The following PRDM5 variants were observed in gnomAD, a reference collection of about 807,000 sequenced individuals.
The protein encoded by PRDM5 is PR domain zinc finger protein 5.
A neutral mutation model predicts 81.2 loss-of-function variants in PRDM5; 56 were observed. The observed-to-expected ratio is 0.69, with a 90% confidence interval of 0.56 to 0.86. PRDM5 has a LOEUF of 0.86. PRDM5 is among the 40% of genes least tolerant of loss of function. The pLI is 0.00. For synonymous variants in PRDM5, 267 were observed against 256.4 expected (o/e 1.04, Z -0.39); for missense variants, 697 against 770.1 (o/e 0.91, Z 1.12).
chr4:120,723,923 ATTTTTTTT>A (rs70948360), intron 14 of PRDM5, among the ~76,000 whole-genome samples: 30 of 81,252 alleles, frequency 3.7e-4, no homozygotes, highest in Admixed American at 1.0e-3. Context: ...GATAGCTTGA[ATTTTTTTT>A]TTTTTTTTTT....
intron 3 of PRDM5, among the ~76,000 whole-genome samples, chr4:120,825,278 G>A (rs141801966): frequency 1.6e-4 from 25 of 152,310 alleles, no homozygotes; most frequent in African/African-American, 5.8e-4. Context: ...AAGCATTCAT[G>A]AGTGGTAGTT....
chr4:120,895,177 C>T (rs1220130188), intron 2 of PRDM5, among the ~76,000 whole-genome samples: 2 of 152,204 alleles, frequency 1.3e-5, no homozygotes, highest in African/African-American at 4.8e-5. Flanking sequence ...CCTCCAGCTT[C>T]CAGCAAAGCA....
At chr4:120,734,660 C>A (rs1740836003) in intron 14 of PRDM5, among the ~76,000 whole-genome samples, 1 of 152,218 alleles carries the variant, frequency 6.6e-6, no homozygotes, top group South Asian at 2.1e-4. Flanking sequence ...TCCTGGTTCT[C>A]CTTCAGCCTC....
chr4:120,877,151 T>C (rs1481255694), intron 2 of PRDM5, among the ~76,000 whole-genome samples: 2 of 151,778 alleles, frequency 1.3e-5, no homozygotes, highest in Non-Finnish European at 2.9e-5. Flanking sequence ...TCAGCCAGAG[T>C]TCAGAATCAT....
At chr4:120,911,213 C>T (rs1766467473) in intron 1 of PRDM5, among the ~76,000 whole-genome samples, 1 of 152,174 alleles carries the variant, frequency 6.6e-6, no homozygotes, top group African/African-American at 2.4e-5. Context: ...GCTGTATCAC[C>T]ATGTGGACCC....
chr4:120,740,135 G>A (rs1741699304), intron 14 of PRDM5, among the ~76,000 whole-genome samples: 1 of 151,950 alleles, frequency 6.6e-6, no homozygotes, highest in Non-Finnish European at 1.5e-5. Flanking sequence ...ATGATTCCTT[G>A]GCAAGGCATA....
At chr4:120,728,186 T>C (rs1408068514) in intron 14 of PRDM5, among the ~76,000 whole-genome samples, 1 of 151,866 alleles carries the variant, frequency 6.6e-6, no homozygotes, top group Non-Finnish European at 1.5e-5. Flanking sequence ...GTCTACCCTA[T>C]TCATCTGTTA....
intron 14 of PRDM5, among the ~76,000 whole-genome samples, chr4:120,720,754 C>T (rs951974598): frequency 2.6e-5 from 4 of 152,094 alleles, no homozygotes; most frequent in African/African-American, 4.8e-5. Flanking sequence ...ACAAAACATA[C>T]CCATGGCCTA....
chr4:120,775,213 T>C (rs1747974495), intron 13 of PRDM5, among the ~76,000 whole-genome samples: 1 of 151,632 alleles, frequency 6.6e-6, no homozygotes. Flanking sequence ...GAGTGTAGAA[T>C]ACACTTTAAA....
chr4:120,703,052 G>C (rs1553943630), intron 15 of PRDM5, among the ~76,000 whole-genome samples: 1 of 152,048 alleles, frequency 6.6e-6, no homozygotes, highest in Non-Finnish European at 1.5e-5. Context: ...CTCCTGAAAT[G>C]CTCTTTTCCC....
chr4:120,883,230 G>A (rs1425861565), intron 2 of PRDM5, among the ~76,000 whole-genome samples: 2 of 152,112 alleles, frequency 1.3e-5, no homozygotes, highest in Non-Finnish European at 2.9e-5. Flanking sequence ...TATAGTGTTA[G>A]AAGGTACAAT....
At chr4:120,772,048 G>C (rs542035393) in intron 13 of PRDM5, among the ~76,000 whole-genome samples, 1 of 152,090 alleles carries the variant, frequency 6.6e-6, no homozygotes, top group East Asian at 1.9e-4. Flanking sequence ...GTGGCAGGGG[G>C]CTAGGGTTTG....
At chr4:120,733,329 C>T (rs1740540038) in intron 14 of PRDM5, among the ~76,000 whole-genome samples, 1 of 152,164 alleles carries the variant, frequency 6.6e-6, no homozygotes, top group Admixed American at 6.5e-5. Flanking sequence ...TGACCCCCAC[C>T]TCATGCTCCA....
At position 120,800,412 on chromosome 4, in the gene PRDM5, G is replaced by A. The variant is rs374584846; in HGVS notation, c.946-667C>T. ...TACGTCTGTGGTCCCAGCTACAAAG[G>A]AGGCTGAAGCAGGATGATTGTTTGA... On this transcript the variant is annotated intron_variant, in intron 8 of 15. Transcript: ENST00000264808. Among the ~76,000 whole-genome samples the A allele has an allele frequency of 2.7e-4, 41 of 151,976 alleles. No individual in the cohort carries two copies. The South Asian group carries it at 8.3e-3, about 31-fold the overall frequency.
intron 2 of PRDM5, among the ~76,000 whole-genome samples, chr4:120,854,191 A>C (rs1475993530): frequency 2.0e-5 from 3 of 152,166 alleles, no homozygotes; most frequent in African/African-American, 7.2e-5. Context: ...TCTACATTCA[A>C]CTGGAGAGAG....
chr4:120,784,282 G>A (rs751296239), intron 11 of PRDM5, among the ~76,000 whole-genome samples: 17 of 152,152 alleles, frequency 1.1e-4, no homozygotes, highest in Non-Finnish European at 2.2e-4. Flanking sequence ...TTCATGGTGC[G>A]TATGTATGAA....
chr4:120,819,546 A>G (rs554169787), intron 4 of PRDM5, among the ~76,000 whole-genome samples: 7 of 152,222 alleles, frequency 4.6e-5, no homozygotes, highest in African/African-American at 1.4e-4. Context: ...TTTTAAAAAA[A>G]CCAAAATAGC....
At position 120,799,872 on chromosome 4, in the gene PRDM5, C is replaced by A. The variant is rs1751873368; in HGVS notation, c.946-127G>T. On this transcript the variant is annotated intron_variant, in intron 8 of 15. Transcript: ENST00000264808. ...ACCCAAACTATATATTACAATTCAG[C>A]CCTAATTTGTTCACACTAACCTATA... The A allele has an allele frequency of 2.0e-6, 3 of 1,469,294 alleles. No individual in the cohort carries two copies. In the African/African-American group the frequency reaches 4.3e-5, roughly 21 times the overall value. The allele number at this position is 1,469,294 out of a possible 1,614,324, so 91.0% of individuals were successfully genotyped here. A position where few individuals can be genotyped will look rare whatever the true frequency, so the allele number is the denominator to read the frequency against.
intron 14 of PRDM5, among the ~76,000 whole-genome samples, chr4:120,732,124 C>T (rs531494023): frequency 2.0e-5 from 3 of 152,174 alleles, no homozygotes; most frequent in African/African-American, 7.2e-5. Context: ...CAGTCTTTAC[C>T]ATATGGAGGT....
Sources: allele counts gnomAD v4.1 joint callset (sites outside exome capture counted in the v4.1 genomes callset), GRCh38; gene constraint gnomAD v4.1.1; transcripts MANE v1.5; gene names NCBI Gene and HGNC (gene_info 2026-07-23, HGNC 2026-07-21).